Variants in KCNJ6 observed in about 807,000 individuals in gnomAD.
KCNJ6 encodes the protein potassium inwardly rectifying channel subfamily J member 6.
Under a neutral mutation model 34.2 loss-of-function variants are expected in KCNJ6, and 9 were observed. The observed-to-expected ratio is 0.26, with a 90% CI of 0.16 to 0.46. The LOEUF is 0.46. Ranked by LOEUF, KCNJ6 falls within the 20% of genes least tolerant of loss-of-function variation. KCNJ6 has a pLI of 1.00. For missense variants in KCNJ6, 236 were observed against 531.3 expected (o/e 0.44, Z 5.46); for synonymous variants, 196 against 207.1 (o/e 0.95, Z 0.46).
intron 3 of KCNJ6, among the ~76,000 whole-genome samples, chr21:37,631,541 C>T (rs1224453411): frequency 2.0e-5 from 3 of 150,504 alleles, no homozygotes; most frequent in African/African-American, 4.8e-5. Context: ...ATGAAACCAC[C>T]TGAAGACTCT....
intron 2 of KCNJ6, among the ~76,000 whole-genome samples, chr21:37,827,324 T>G (rs1276368600): frequency 6.6e-6 from 1 of 152,174 alleles, no homozygotes; most frequent in African/African-American, 2.4e-5. Context: ...ATCACTAGTA[T>G]TTAGCAATGA....
At chr21:37,845,914 A>C (rs1450346980) in intron 1 of KCNJ6, among the ~76,000 whole-genome samples, 1 of 152,100 alleles carries the variant, frequency 6.6e-6, no homozygotes, top group Non-Finnish European at 1.5e-5. Context: ...TCTAGGAGGC[A>C]CTCCACTTAA....
rs2054270763 is a variant in KCNJ6 at position 37,617,008 on chromosome 21, T to TC, written c.*8150_*8151insG. 3 of 121,906 alleles carry TC rather than the reference T, an allele frequency of 2.5e-5. No homozygotes were observed. The highest frequency in any genetic ancestry group is 1.0e-4 in the African/African-American group (3 of 29,502). The allele number at this position is 121,906 out of a possible 1,614,324, so 7.6% of individuals were successfully genotyped here. On this transcript the variant is annotated 3_prime_UTR_variant, in exon 4 of 4. Coordinates refer to ENST00000609713, the MANE Select transcript of KCNJ6 (RefSeq NM_002240.5). ...TTCTCTTTCTTTCTTTCTCTTTCTTTTCTCTTTCTTTCTTTCTTTCTTTCT... is the reference window on the plus strand; with the variant it reads ...TTCTCTTTCTTTCTTTCTCTTTCTTTCTCTCTTTCTTTCTTTCTTTCTTTCT...
At chr21:37,752,826 C>T (rs1177775037) in intron 2 of KCNJ6, among the ~76,000 whole-genome samples, 1 of 152,180 alleles carries the variant, frequency 6.6e-6, no homozygotes, top group Non-Finnish European at 1.5e-5. Context: ...GAAGGAAGAC[C>T]TGTGACTGTA....
intron 2 of KCNJ6, among the ~76,000 whole-genome samples, chr21:37,806,504 G>A (rs186103231): frequency 1.1e-4 from 16 of 152,182 alleles, no homozygotes; most frequent in East Asian, 1.9e-4. Flanking sequence ...CCCCCTCCCC[G>A]GGTCTTTATG....
At chr21:37,709,561 G>T (rs2054740359) in intron 3 of KCNJ6, among the ~76,000 whole-genome samples, 1 of 151,892 alleles carries the variant, frequency 6.6e-6, no homozygotes, top group Non-Finnish European at 1.5e-5. Flanking sequence ...TCTTTTCTGG[G>T]TGCATTTCTC....
Position 37,852,417 on chromosome 21 carries a change from C to T in KCNJ6, c.-27-11708G>A, listed in dbSNP as rs1010693435. On this transcript the variant is annotated intron_variant, in intron 1 of 3. Coordinates refer to ENST00000609713, the MANE Select transcript of KCNJ6 (RefSeq NM_002240.5). ...TGCAAAGTGTTGGTGGAGACCACCA[C>T]GTGAGAAGTAGTAATGAGGTGCCCC... 4.2e-4 allele frequency among the ~76,000 whole-genome samples: 64 copies of T among 152,162 alleles called. 1 individual carries two copies. Among genetic ancestry groups the T allele is most frequent in the African/African-American group, 1.4e-4 (6 of 41,442 alleles).
intron 2 of KCNJ6, among the ~76,000 whole-genome samples, chr21:37,816,759 G>C (rs192463961): frequency 6.6e-6 from 1 of 152,308 alleles, no homozygotes; most frequent in East Asian, 1.9e-4. Flanking sequence ...TTTGGGGTTA[G>C]ATGTGATTGT....
chr21:37,794,763 A>G (rs2055233079), intron 2 of KCNJ6, among the ~76,000 whole-genome samples: 1 of 152,148 alleles, frequency 6.6e-6, no homozygotes, highest in Non-Finnish European at 1.5e-5. Context: ...ACATTAGGAC[A>G]AATACCTAAT....
intron 3 of KCNJ6, among the ~76,000 whole-genome samples, chr21:37,651,295 C>T (rs1055013930): frequency 6.6e-6 from 1 of 152,108 alleles, no homozygotes; most frequent in African/African-American, 2.4e-5. Context: ...AAGAGGAGAG[C>T]GGGGGCCCAC....
chr21:37,775,539 G>A (rs2055138027), intron 2 of KCNJ6, among the ~76,000 whole-genome samples: 2 of 152,162 alleles, frequency 1.3e-5, no homozygotes, highest in South Asian at 2.1e-4. Context: ...AAGGTGTAAC[G>A]AAGGGATCTA....
At chr21:37,661,979 A>G (rs1010803783) in intron 3 of KCNJ6, among the ~76,000 whole-genome samples, 1 of 152,110 alleles carries the variant, frequency 6.6e-6, no homozygotes, top group African/African-American at 2.4e-5. Flanking sequence ...AAAATTATTT[A>G]CCAAAACTTA....
At chr21:37,696,452 T>C (rs2054663877) in intron 3 of KCNJ6, among the ~76,000 whole-genome samples, 1 of 152,090 alleles carries the variant, frequency 6.6e-6, no homozygotes, top group Non-Finnish European at 1.5e-5. Context: ...GAAAAGAACA[T>C]TAAAAACCTT....
intron 1 of KCNJ6, among the ~76,000 whole-genome samples, chr21:37,841,975 C>CA (rs1323305799): frequency 6.6e-6 from 1 of 152,194 alleles, no homozygotes; most frequent in Non-Finnish European, 1.5e-5. Context: ...AAAATTCTGA[C>CA]ATATAGTGCT....
At chr21:37,643,601 T>G (rs1425787275) in intron 3 of KCNJ6, among the ~76,000 whole-genome samples, 1 of 152,160 alleles carries the variant, frequency 6.6e-6, no homozygotes, top group Non-Finnish European at 1.5e-5. Flanking sequence ...ATCTGTTGTT[T>G]GCAAACAAGC....
intron 3 of KCNJ6, among the ~76,000 whole-genome samples, chr21:37,654,154 G>A (rs1461693167): frequency 1.4e-5 from 2 of 141,858 alleles, no homozygotes; most frequent in Non-Finnish European, 3.0e-5. Context: ...GATCATGGAC[G>A]TGCAGCACCA....
intron 1 of KCNJ6, among the ~76,000 whole-genome samples, chr21:37,909,537 T>C (rs1388037628): frequency 6.6e-6 from 1 of 152,130 alleles, no homozygotes; most frequent in Admixed American, 6.5e-5. Context: ...GGCTGATTTT[T>C]GTATTTTTAG....
At chr21:37,700,373 AAC>A in intron 3 of KCNJ6, among the ~76,000 whole-genome samples, 1 of 152,296 alleles carries the variant, frequency 6.6e-6, no homozygotes, top group East Asian at 1.9e-4. Flanking sequence ...CATATTCAGG[AAC>A]GTCTGCAGCC....
At chr21:37,779,791 T>G (rs1273765483) in intron 2 of KCNJ6, among the ~76,000 whole-genome samples, 3 of 152,252 alleles carry the variant, frequency 2.0e-5, no homozygotes, top group African/African-American at 7.2e-5. Context: ...TGAGATGAAC[T>G]TTTTGGAGTC....
Sources: allele counts gnomAD v4.1 joint callset (sites outside exome capture counted in the v4.1 genomes callset), GRCh38; gene constraint gnomAD v4.1.1; transcripts MANE v1.5; gene names NCBI Gene and HGNC (gene_info 2026-07-23, HGNC 2026-07-21).